MTA1: variants seen among roughly 807,000 people sequenced by gnomAD.
The protein encoded by MTA1 is metastasis-associated protein MTA1.
Under a neutral mutation model 97.0 loss-of-function variants are expected in MTA1, and 15 were observed. The ratio of observed to expected loss-of-function variants is 0.15; its 90% CI spans 0.10 to 0.24. The LOEUF is 0.24. Ranked by LOEUF, MTA1 falls within the 10% of genes least tolerant of loss-of-function variation. MTA1 has a pLI of 1.00. For missense variants in MTA1, 709 were observed against 1,015.1 expected, an observed-to-expected ratio of 0.70 and a Z score of 4.10; for synonymous variants, 435 against 417.5, an observed-to-expected ratio of 1.04 and a Z score of -0.51.
chr14:105,465,345 T>G, intron 16 of MTA1, 162 bp downstream of exon 16: 1 of 503,712 alleles, frequency 2.0e-6, no homozygotes, highest in Non-Finnish European at 3.2e-6. Flanking sequence ...CGTGCCAGGC[T>G]CAGGCAGACC....
At chr14:105,468,897 C>G (rs1258559063) in intron 18 of MTA1, 11 of 298,842 alleles carry the variant, frequency 3.7e-5, no homozygotes, top group African/African-American at 2.2e-4. Context: ...CCGCAGTGCC[C>G]CTTGGGCTCC....
At chr14:105,446,527 C>G (rs1431559517) in intron 3 of MTA1, among the ~76,000 whole-genome samples, 4 of 152,168 alleles carry the variant, frequency 2.6e-5, no homozygotes, top group Non-Finnish European at 4.4e-5. Flanking sequence ...CGTCCCAGCG[C>G]TGTGGGTGAG....
chr14:105,446,058 C>T (rs1166740827), intron 3 of MTA1, among the ~76,000 whole-genome samples: 2 of 152,106 alleles, frequency 1.3e-5, no homozygotes, highest in African/African-American at 4.8e-5. Context: ...CATGGGAATG[C>T]CCTCAGCCTT....
rs1555421278 is a variant in MTA1 at position 105,422,631 on chromosome 14, AT to A, written c.28+2569del. Among the ~76,000 whole-genome samples, 1 of 152,166 alleles carries A rather than the reference AT, an allele frequency of 6.6e-6. No individual in the cohort carries two copies. The highest frequency in any genetic ancestry group is 2.4e-5 in the African/African-American group (1 of 41,448). On this transcript the variant is annotated intron_variant, in intron 1 of 20. Coordinates refer to ENST00000331320, the MANE Select transcript of MTA1 (RefSeq NM_004689.4). This position sits in a 1 kb window ranked among gnomAD's most constrained non-coding sequence, Gnocchi z 4.3. Reference sequence around the variant, plus strand: ...TTATTAGTGTAAGTATGTCCCAAATATGGCATGGGACATACTTGTCCCAGAA... The same window carrying A: ...TTATTAGTGTAAGTATGTCCCAAATAGGCATGGGACATACTTGTCCCAGAA...
At position 105,463,098 on chromosome 14, in the gene MTA1, C is replaced by T. The variant is rs1048765343; in HGVS notation, c.943-86C>T. ...TCTGGCCTCCCGCCCCCTCTGTGGC[C>T]TTCTGGCCGCAGCCCTGCCCCTGCC... On this transcript the variant is annotated intron_variant, in intron 10 of 20. Coordinates refer to ENST00000331320, the MANE Select transcript of MTA1 (RefSeq NM_004689.4). This position sits in a 1 kb window ranked among gnomAD's most constrained non-coding sequence, Gnocchi z 5.9. The T allele has an allele frequency of 7.3e-7, 1 of 1,368,186 alleles. No individual in the cohort carries two copies. Among genetic ancestry groups the T allele is most frequent in the Non-Finnish European group, 1.0e-6 (1 of 974,692 alleles). The allele number at this position is 1,368,186 out of a possible 1,614,324, so 84.8% of individuals were successfully genotyped here. A position where few individuals can be genotyped will look rare whatever the true frequency, so the allele number is the denominator to read the frequency against.
intron 1 of MTA1, among the ~76,000 whole-genome samples, chr14:105,436,464 G>A (rs1471594009): frequency 1.3e-5 from 2 of 152,200 alleles, no homozygotes; most frequent in African/African-American, 2.4e-5. Context: ...TAGTCATGTT[G>A]TTGTACCACA....
intron 1 of MTA1, among the ~76,000 whole-genome samples, chr14:105,428,593 G>C (rs2082081328): frequency 6.6e-6 from 1 of 152,132 alleles, no homozygotes; most frequent in Non-Finnish European, 1.5e-5. Flanking sequence ...AAATCAAGTA[G>C]TAGGAATCCT....
chr14:105,448,887 G>A (rs1471373313), intron 3 of MTA1, among the ~76,000 whole-genome samples: 9 of 152,386 alleles, frequency 5.9e-5, no homozygotes, highest in Admixed American at 1.3e-4. Flanking sequence ...GGCGCTGAGC[G>A]GGATGAGTGG....
rs2081782882 is a variant in MTA1 at position 105,420,267 on chromosome 14, G to A, written c.28+204G>A. 6.7e-6 allele frequency among the ~76,000 whole-genome samples: 1 copy of A among 149,008 alleles called. No homozygotes were observed. Among genetic ancestry groups the A allele is most frequent in the Non-Finnish European group, 1.5e-5 (1 of 66,722 alleles). ...CGGGTCGGCCCCATCGGGGGCGGGCGGGGCTCGGCGGCCCGGGGGTGGGGG... is the reference window on the plus strand; with the variant it reads ...CGGGTCGGCCCCATCGGGGGCGGGCAGGGCTCGGCGGCCCGGGGGTGGGGG... On this transcript the variant is annotated intron_variant, in intron 1 of 20. Transcript: ENST00000331320. The surrounding 1 kb of genome is among the most constrained non-coding windows in gnomAD (Gnocchi z 5.3).
At chr14:105,466,641 G>A (rs1050147045) in intron 17 of MTA1, 63 bp downstream of exon 17, 144 of 1,586,680 alleles carry the variant, frequency 9.1e-5, no homozygotes, top group Non-Finnish European at 1.1e-4. Flanking sequence ...GCCCGTCCCC[G>A]CCCGGGCACC....
chr14:105,466,947 G>A (rs181296654), intron 18 of MTA1: 433 of 596,712 alleles, frequency 7.3e-4, no homozygotes, highest in Non-Finnish European at 7.1e-4. Flanking sequence ...TCTGGCCCTC[G>A]GCCCCCTGGC....
chr14:105,433,289 G>C (rs2082234393), intron 1 of MTA1, among the ~76,000 whole-genome samples: 1 of 152,170 alleles, frequency 6.6e-6, no homozygotes, highest in East Asian at 1.9e-4. Flanking sequence ...TGGTGGTCCA[G>C]GTGTTTTTAG....
chr14:105,449,301 G>T (rs2141570869), intron 3 of MTA1, 58 bp from the exon 4 acceptor site: 2 of 1,564,788 alleles, frequency 1.3e-6, no homozygotes, highest in South Asian at 1.2e-5. Context: ...CCTGGGCAGG[G>T]AGCAGGCCGC....
Position 105,450,338 on chromosome 14 carries a change from C to A in MTA1, c.432+14C>A. The A allele has an allele frequency of 1.3e-6, 2 of 1,596,540 alleles. No individual in the cohort carries two copies. The highest frequency in any genetic ancestry group is 8.6e-7 in the Non-Finnish European group (1 of 1,167,564). ...CTGGAGCGGGAGGTGAGGCCCAGCCCGGCCTGGTCTGCCGCAGCCAGTCCC... is the reference window on the plus strand; with the variant it reads ...CTGGAGCGGGAGGTGAGGCCCAGCCAGGCCTGGTCTGCCGCAGCCAGTCCC... On this transcript the variant is annotated intron_variant, in intron 6 of 20. Transcript: ENST00000331320.
intron 19 of MTA1, 99 bp from the exon 20 acceptor site, chr14:105,469,742 G>A: frequency 7.0e-7 from 1 of 1,433,974 alleles, no homozygotes; most frequent in Non-Finnish European, 9.3e-7. Flanking sequence ...CTGGGGTGGT[G>A]GGGGGTTGGC....
intron 9 of MTA1, 49 bp from the exon 10 acceptor site, chr14:105,460,716 G>A (rs782406559): frequency 1.1e-5 from 17 of 1,508,034 alleles, no homozygotes; most frequent in Non-Finnish European, 1.5e-5. Context: ...TGCCACAGGT[G>A]CAGGAAAAGC....
intron 1 of MTA1, among the ~76,000 whole-genome samples, chr14:105,427,210 G>A (rs1042177643): frequency 3.9e-5 from 6 of 152,258 alleles, no homozygotes; most frequent in Non-Finnish European, 7.3e-5. Context: ...TCATTTGCGG[G>A]CACGCACAGG....
chr14:105,466,722 G>T lies in MTA1; in HGVS notation c.1793G>T (p.Arg598Leu), dbSNP rs782717840. ...GCGCTGCCAGGCAACATGAAGAAGC[G>T]CCTCTTGATGCCCAGTAGGGGTAAG... ...HNGVDGNMKK[R>L]LLMPSRGLAN... The change falls in exon 18 of 21, where the codon CGC becomes CTC. Residue 598 changes from arginine to leucine, a missense_variant. By Grantham distance (102) the Arg-to-Leu change is moderately radical. Around this residue, in one of 2 missense-constraint regions of MTA1, gnomAD observed 388 missense variants for 421.6 expected, o/e 0.92. Transcript: ENST00000331320. 6.3e-7 allele frequency: 1 copy of T among 1,597,566 alleles called. No homozygotes were observed. The highest frequency in any genetic ancestry group is 1.7e-5 in the Admixed American group (1 of 58,402).
intron 2 of MTA1, among the ~76,000 whole-genome samples, chr14:105,442,238 G>A (rs1389714923): frequency 3.3e-5 from 5 of 152,206 alleles, no homozygotes; most frequent in South Asian, 2.1e-4. Context: ...CGGCAGCCGC[G>A]TTCAGGTGTG....
Sources: gnomAD v4.1 joint callset for allele counts (sites outside exome capture counted in the v4.1 genomes callset) on GRCh38, gnomAD v4.1.1 for gene constraint, gnomAD v4.1.1 regional missense constraint, Gnocchi (gnomAD v3.1) non-coding constraint, MANE v1.5 for transcripts, NCBI Gene and HGNC (gene_info 2026-07-23, HGNC 2026-07-21) for gene names.